The following DIPK1A variants were observed in gnomAD, a reference collection of about 807,000 sequenced individuals.
DIPK1A encodes divergent protein kinase domain 1A.
A neutral mutation model predicts 40.8 loss-of-function variants in DIPK1A; 27 were observed. That is an observed-to-expected ratio of 0.66 (90% CI 0.49 to 0.91). The LOEUF (loss-of-function observed/expected upper bound fraction) is 0.91, where lower values mean the gene tolerates loss of function less well. Ranked by LOEUF, DIPK1A falls within the 40% of genes least tolerant of loss-of-function variation. The pLI is 0.00. For synonymous variants in DIPK1A, 166 were observed against 171.3 expected (o/e 0.97, Z 0.24); for missense variants, 412 against 505.7 (o/e 0.81, Z 1.78).
intron 2 of DIPK1A, among the ~76,000 whole-genome samples, chr1:92,864,868 T>C (rs1227350111): frequency 6.6e-6 from 1 of 151,792 alleles, no homozygotes; most frequent in African/African-American, 2.4e-5. Context: ...GGCAAAATCC[T>C]GTCTCTACTA....
intron 4 of DIPK1A, 147 bp downstream of exon 4, chr1:92,847,036 G>A (rs540422261): frequency 8.8e-5 from 42 of 474,680 alleles, no homozygotes; most frequent in African/African-American, 7.3e-4. Flanking sequence ...GAGCCACCAC[G>A]CCCGGCCTCT....
At chr1:92,925,003 TTTTA>T (rs1220279855) in intron 1 of DIPK1A, among the ~76,000 whole-genome samples, 3 of 152,238 alleles carry the variant, frequency 2.0e-5, no homozygotes, top group Non-Finnish European at 4.4e-5. Context: ...GTTTGCTGGA[TTTTA>T]TTTAAGCCCC....
intron 1 of DIPK1A, among the ~76,000 whole-genome samples, chr1:92,882,712 A>G (rs916348041): frequency 2.0e-5 from 3 of 152,208 alleles, no homozygotes; most frequent in Non-Finnish European, 4.4e-5. Context: ...ATACTTTTAT[A>G]TACAAACAAT....
At position 92,880,157 on chromosome 1, in the gene DIPK1A, G is replaced by A. The variant is rs1005563881; in HGVS notation, c.55-3727C>T. Among the ~76,000 whole-genome samples the A allele has an allele frequency of 7.9e-5, 12 of 152,300 alleles. No homozygotes were observed. The East Asian group carries it at 2.3e-3, about 29-fold the overall frequency. Reference sequence around the variant, plus strand: ...GCAATGTACAATGTAGCCCCCCACAGCAAAGCATTATCAGGCCCAAAATGT... The same window carrying A: ...GCAATGTACAATGTAGCCCCCCACAACAAAGCATTATCAGGCCCAAAATGT... On this transcript the variant is annotated intron_variant, in intron 1 of 4. Coordinates refer to ENST00000370310, the MANE Select transcript of DIPK1A (RefSeq NM_001006605.5).
chr1:92,880,987 C>T (rs1025969949), intron 1 of DIPK1A, among the ~76,000 whole-genome samples: 15 of 151,324 alleles, frequency 9.9e-5, no homozygotes, highest in Non-Finnish European at 1.8e-4. Flanking sequence ...GTCAGGAGTT[C>T]GAGACCAGCC....
At chr1:92,892,663 C>T (rs759210207) in intron 1 of DIPK1A, among the ~76,000 whole-genome samples, 4 of 152,102 alleles carry the variant, frequency 2.6e-5, no homozygotes, top group Non-Finnish European at 4.4e-5. Context: ...ATGACTTTGA[C>T]GAGTTGAGAG....
At chr1:92,894,353 T>C (rs1236676487) in intron 1 of DIPK1A, among the ~76,000 whole-genome samples, 1 of 152,028 alleles carries the variant, frequency 6.6e-6, no homozygotes, top group Non-Finnish European at 1.5e-5. Context: ...AGAAACTCAC[T>C]CAAAACCGCT....
intron 1 of DIPK1A, among the ~76,000 whole-genome samples, chr1:92,881,172 CAAAAAAAAAAA>C (rs71094212): frequency 2.0e-5 from 1 of 50,706 alleles, no homozygotes; most frequent in Non-Finnish European, 3.5e-5. Flanking sequence ...GACTCGGTCT[CAAAAAAAAAAA>C]AAAAAAAAAA....
chr1:92,954,775 A>G (rs1262354557), intron 1 of DIPK1A, among the ~76,000 whole-genome samples: 1 of 152,226 alleles, frequency 6.6e-6, no homozygotes, highest in African/African-American at 2.4e-5. Context: ...TAAAAACAAT[A>G]AAATGTACCT....
chr1:92,878,872 T>C (rs1648249964), intron 1 of DIPK1A, among the ~76,000 whole-genome samples: 1 of 150,508 alleles, frequency 6.6e-6, no homozygotes, highest in Non-Finnish European at 1.5e-5. Flanking sequence ...CCGAGTGTGG[T>C]GGCATGCACC....
intron 1 of DIPK1A, among the ~76,000 whole-genome samples, chr1:92,949,125 G>T (rs1306144289): frequency 6.6e-6 from 1 of 151,642 alleles, no homozygotes; most frequent in Non-Finnish European, 1.5e-5. Flanking sequence ...AAGAACCAAC[G>T]ATTTGACATT....
intron 1 of DIPK1A, among the ~76,000 whole-genome samples, chr1:92,960,503 G>A (rs1652029047): frequency 6.6e-6 from 1 of 152,106 alleles, no homozygotes; most frequent in African/African-American, 2.4e-5. Context: ...ATGGATTTGC[G>A]CTCAGCTACT....
chr1:92,912,941 A>AT (rs11423955), intron 1 of DIPK1A, among the ~76,000 whole-genome samples: 8,742 of 151,772 alleles, frequency 0.058, 788 homozygotes, highest in African/African-American at 0.19. Flanking sequence ...TCTCTATGAA[A>AT]TAAAAAAAAA....
At chr1:92,846,680 G>C in intron 4 of DIPK1A, 1 of 345,850 alleles carries the variant, frequency 2.9e-6, no homozygotes, top group Non-Finnish European at 5.6e-6. Context: ...CCAGGCTGGA[G>C]TGCAGTGGTG....
chr1:92,876,486 T>A (rs1417774240), intron 1 of DIPK1A, 56 bp from the exon 2 acceptor site: 3 of 1,591,230 alleles, frequency 1.9e-6, no homozygotes, highest in Non-Finnish European at 2.6e-6. Context: ...CAGCATTCAA[T>A]GTCCTAGAAC....
Position 92,843,979 on chromosome 1 carries a change from C to T in DIPK1A, c.691G>A (p.Val231Ile). The T allele has an allele frequency of 6.4e-7, 1 of 1,552,078 alleles. No homozygotes were observed. The highest frequency in any genetic ancestry group is 8.7e-7 in the Non-Finnish European group (1 of 1,147,058). The change falls in exon 5 of 5, where the codon GTT (valine) becomes ATT (isoleucine). Residue 231 changes from valine (V) to isoleucine (I), a missense_variant. Coordinates refer to ENST00000370310, the MANE Select transcript of DIPK1A (RefSeq NM_001006605.5). ...FCGDLYVMES[V>I]EYTSLYGISL... The stretch of plus-strand genomic sequence containing the variant: ...ATTCCATAAAGAGAGGTATATTCAA[C>T]ACTTTCCATCACATAGAGGTCACCA...
intron 1 of DIPK1A, among the ~76,000 whole-genome samples, chr1:92,923,240 G>C (rs540341167): frequency 1.3e-5 from 2 of 152,194 alleles, no homozygotes; most frequent in Non-Finnish European, 2.9e-5. Flanking sequence ...CTGGGTTCAA[G>C]TGATTCTGCT....
At chr1:92,955,447 C>T (rs2100921107) in intron 1 of DIPK1A, among the ~76,000 whole-genome samples, 1 of 151,520 alleles carries the variant, frequency 6.6e-6, no homozygotes, top group South Asian at 2.1e-4. Context: ...GCCTGTAATC[C>T]CAGCACTTTG....
At chr1:92,960,905 C>T (rs1340502978) in intron 1 of DIPK1A, among the ~76,000 whole-genome samples, 3 of 152,208 alleles carry the variant, frequency 2.0e-5, no homozygotes, top group African/African-American at 7.2e-5. Context: ...GAATGCTACA[C>T]CACCTTTCCT....
Sources: gnomAD v4.1 joint callset for allele counts (sites outside exome capture counted in the v4.1 genomes callset) on GRCh38, gnomAD v4.1.1 for gene constraint, MANE v1.5 for transcripts, NCBI Gene and HGNC (gene_info 2026-07-23, HGNC 2026-07-21) for gene names.